The following CHSY3 variants were observed in gnomAD, a reference collection of about 807,000 sequenced individuals.
CHSY3 encodes the protein N-acetylgalactosaminyl-proteoglycan 3-beta-glucuronosyltransferase 3.
In CHSY3, 35 loss-of-function variants were observed where a neutral mutation model predicts 67.2. The ratio of observed to expected loss-of-function variants is 0.52; its 90% CI spans 0.40 to 0.69. CHSY3 has a LOEUF of 0.69. CHSY3 is among the 30% of genes least tolerant of loss of function. The pLI is 0.00. For synonymous variants in CHSY3, 474 were observed against 434.7 expected, an observed-to-expected ratio of 1.09 and a Z score of -1.12; for missense variants, 1,069 against 1,138.5, an observed-to-expected ratio of 0.94 and a Z score of 0.88.
rs571587754 is a variant in CHSY3, at chr5:130,086,710, T to C, written c.1087-97519T>C. ...AATAGACCAATAACAAGCTCTGAAA[T>C]TGTGGCAATAATCAATAGCTTACCA... On this transcript the variant is annotated intron_variant, in intron 2 of 2. Coordinates refer to ENST00000305031, the MANE Select transcript of CHSY3 (RefSeq NM_175856.5). 2.8e-4 allele frequency among the ~76,000 whole-genome samples: 42 copies of C among 152,204 alleles called. No individual in the cohort carries two copies. The South Asian group carries it at 8.7e-3, about 32-fold the overall frequency.
intron 2 of CHSY3, among the ~76,000 whole-genome samples, chr5:129,914,751 G>C (rs1280930759): frequency 1.3e-5 from 2 of 152,174 alleles, no homozygotes; most frequent in African/African-American, 4.8e-5. Context: ...GGTAAGCGTT[G>C]TAGGCTTAGA....
At chr5:130,047,704 A>G (rs956359264) in intron 2 of CHSY3, among the ~76,000 whole-genome samples, 6 of 152,110 alleles carry the variant, frequency 3.9e-5, no homozygotes, top group African/African-American at 1.4e-4. Flanking sequence ...CAAAGCAAGA[A>G]TAATATCTAA....
chr5:129,920,363 A>C (rs977591414), intron 2 of CHSY3, among the ~76,000 whole-genome samples: 3 of 152,234 alleles, frequency 2.0e-5, no homozygotes, highest in African/African-American at 7.2e-5. Context: ...CTCCTGCCTC[A>C]GCCTCCTGAG....
At chr5:130,172,685 T>A (rs1014232623) in intron 2 of CHSY3, among the ~76,000 whole-genome samples, 1 of 152,222 alleles carries the variant, frequency 6.6e-6, no homozygotes, top group Admixed American at 6.5e-5. Context: ...ATTAATGTGC[T>A]ACGCAATGTT....
chr5:130,168,106 A>T (rs1769799618), intron 2 of CHSY3, among the ~76,000 whole-genome samples: 1 of 152,014 alleles, frequency 6.6e-6, no homozygotes, highest in Admixed American at 6.6e-5. Flanking sequence ...CCCAGGTCTA[A>T]CTCCACCACT....
intron 2 of CHSY3, among the ~76,000 whole-genome samples, chr5:129,919,236 T>A (rs1409817522): frequency 2.0e-5 from 3 of 150,612 alleles, no homozygotes; most frequent in African/African-American, 7.3e-5. Flanking sequence ...AATAAAGAAA[T>A]AATGCTACCA....
chr5:129,925,210 A>G (rs1409254300), intron 2 of CHSY3, among the ~76,000 whole-genome samples: 2 of 152,140 alleles, frequency 1.3e-5, no homozygotes, highest in Non-Finnish European at 2.9e-5. Flanking sequence ...ACCTGGGAAG[A>G]GTTGAATATC....
At chr5:130,059,398 T>C (rs892066870) in intron 2 of CHSY3, among the ~76,000 whole-genome samples, 9 of 148,774 alleles carry the variant, frequency 6.0e-5, no homozygotes, top group Non-Finnish European at 1.3e-4. Flanking sequence ...CCTCTCTCTC[T>C]CTCTCTCTCG....
chr5:130,134,062 C>A (rs1207242736), intron 2 of CHSY3, among the ~76,000 whole-genome samples: 1 of 152,104 alleles, frequency 6.6e-6, no homozygotes, highest in Non-Finnish European at 1.5e-5. Flanking sequence ...TTTTAAGCAA[C>A]CTGGTGAGAT....
At chr5:130,072,428 ATG>A (rs745612577) in intron 2 of CHSY3, among the ~76,000 whole-genome samples, 6 of 152,002 alleles carry the variant, frequency 3.9e-5, no homozygotes, top group Non-Finnish European at 8.8e-5. Context: ...TCCTTTCCCC[ATG>A]TGTGTTCTTG....
chr5:129,983,476 G>A (rs1180276193), intron 2 of CHSY3, among the ~76,000 whole-genome samples: 2 of 151,882 alleles, frequency 1.3e-5, no homozygotes, highest in African/African-American at 2.4e-5. Context: ...ATTTTTAGAA[G>A]CATTTTTTTC....
intron 2 of CHSY3, among the ~76,000 whole-genome samples, chr5:130,136,461 T>A (rs1768666240): frequency 6.6e-6 from 1 of 152,132 alleles, no homozygotes; most frequent in Non-Finnish European, 1.5e-5. Flanking sequence ...GAATTTTAAC[T>A]CTGGCAGCTG....
chr5:130,125,452 TAGACAGAC>T (rs1554084513), intron 2 of CHSY3, among the ~76,000 whole-genome samples: 1 of 151,800 alleles, frequency 6.6e-6, no homozygotes, highest in Non-Finnish European at 1.5e-5. Flanking sequence ...GATAGATAGA[TAGACAGAC>T]AGACAGACAG....
At chr5:129,989,635 G>T (rs184847629) in intron 2 of CHSY3, among the ~76,000 whole-genome samples, 3 of 152,168 alleles carry the variant, frequency 2.0e-5, no homozygotes, top group Admixed American at 6.6e-5. Flanking sequence ...TGCTAAATTA[G>T]CTTGACAAGT....
chr5:129,934,349 T>C (rs1761422019), intron 2 of CHSY3, among the ~76,000 whole-genome samples: 1 of 152,178 alleles, frequency 6.6e-6, no homozygotes. Context: ...ATATGTATAA[T>C]GGTGTGGTTG....
intron 2 of CHSY3, among the ~76,000 whole-genome samples, chr5:130,023,372 T>G (rs1363626755): frequency 6.6e-6 from 1 of 152,064 alleles, no homozygotes; most frequent in African/African-American, 2.4e-5. Flanking sequence ...AACCTAGAGT[T>G]TGATTCTGAT....
intron 2 of CHSY3, among the ~76,000 whole-genome samples, chr5:129,978,793 T>C (rs1762885505): frequency 6.6e-6 from 1 of 152,124 alleles, no homozygotes; most frequent in African/African-American, 2.4e-5. Flanking sequence ...AAAGGAAATA[T>C]ATTTGATAAT....
chr5:130,020,479 T>C (rs1236538636), intron 2 of CHSY3, among the ~76,000 whole-genome samples: 18 of 130,032 alleles, frequency 1.4e-4, no homozygotes, highest in East Asian at 4.5e-4. Context: ...TTTTTTTTTT[T>C]CCTCTGGCTC....
intron 2 of CHSY3, among the ~76,000 whole-genome samples, chr5:129,921,941 C>T (rs1397635036): frequency 6.6e-6 from 1 of 152,130 alleles, no homozygotes; most frequent in Non-Finnish European, 1.5e-5. Flanking sequence ...AGATCTTACT[C>T]ATTCTATCTA....
Sources: allele counts gnomAD v4.1 joint callset (sites outside exome capture counted in the v4.1 genomes callset), GRCh38; gene constraint gnomAD v4.1.1; transcripts MANE v1.5; gene names NCBI Gene and HGNC (gene_info 2026-07-23, HGNC 2026-07-21).